Variants in TMEM60 observed in about 807,000 individuals in gnomAD.
TMEM60 encodes the protein chromosome 7 open reading frame 35.
Under a neutral mutation model 10.7 loss-of-function variants are expected in TMEM60, and 4 were observed. The ratio of observed to expected loss-of-function variants is 0.37; its 90% CI spans 0.18 to 0.86. The LOEUF is 0.86. TMEM60 is among the 40% of genes least tolerant of loss of function. TMEM60 has a pLI of 0.43. For synonymous variants in TMEM60, 56 were observed against 58.1 expected, an observed-to-expected ratio of 0.96 and a Z score of 0.17; for missense variants, 128 against 153.4, an observed-to-expected ratio of 0.83 and a Z score of 0.88.
chr7:77,793,889 GTAT>G lies in TMEM60; in HGVS notation c.*80_*82del. On this transcript the variant is annotated 3_prime_UTR_variant, in exon 2 of 2. Coordinates refer to ENST00000257663, the MANE Select transcript of TMEM60 (RefSeq NM_032936.4). ...TTTGGTATTTTCCCTCAGTTCTCTG[GTAT>G]TCTTGAAGCTTGACAGATTCAGAAC... The G allele has an allele frequency of 1.4e-6, 2 of 1,406,758 alleles. No homozygotes were observed. The highest frequency in any genetic ancestry group is 1.9e-6 in the Non-Finnish European group (2 of 1,062,206). The allele number at this position is 1,406,758 out of a possible 1,614,324, so 87.1% of individuals were successfully genotyped here. A position where few individuals can be genotyped will look rare whatever the true frequency, so the allele number is the denominator to read the frequency against.
chr7:77,797,122 G>C lies in TMEM60; in HGVS notation c.-51+1132C>G, dbSNP rs1467719248. On this transcript the variant is annotated intron_variant, in intron 1 of 1. Coordinates refer to ENST00000257663, the MANE Select transcript of TMEM60 (RefSeq NM_032936.4). ...TGAATTTGGAAGCAGGGTTGGAGGGGTGTGTGTTGATTAATAACCATGGAT... is the reference window on the plus strand; with the variant it reads ...TGAATTTGGAAGCAGGGTTGGAGGGCTGTGTGTTGATTAATAACCATGGAT... Among the ~76,000 whole-genome samples, 4 of 152,294 alleles carry C rather than the reference G, an allele frequency of 2.6e-5. No individual in the cohort carries two copies. In the East Asian group the frequency reaches 7.7e-4, roughly 29 times the overall value.
intron 1 of TMEM60, among the ~76,000 whole-genome samples, chr7:77,794,987 C>A (rs888499445): frequency 6.6e-6 from 1 of 152,074 alleles, no homozygotes; most frequent in Non-Finnish European, 1.5e-5. Context: ...AACCCTGCCT[C>A]TACAAAAAAT....
At chr7:77,794,681 G>C (rs1005495726) in intron 1 of TMEM60, among the ~76,000 whole-genome samples, 1 of 152,110 alleles carries the variant, frequency 6.6e-6, no homozygotes, top group Non-Finnish European at 1.5e-5. Context: ...TTCCTTTTCA[G>C]TGCTATCACT....
chr7:77,796,215 G>A (rs1239590031), intron 1 of TMEM60, among the ~76,000 whole-genome samples: 1 of 152,104 alleles, frequency 6.6e-6, no homozygotes, highest in East Asian at 1.9e-4. Flanking sequence ...TGGGATTACA[G>A]GTTTGAGCCA....
intron 1 of TMEM60, among the ~76,000 whole-genome samples, chr7:77,797,894 C>T (rs1262650516): frequency 1.3e-5 from 2 of 152,194 alleles, no homozygotes; most frequent in East Asian, 1.9e-4. Flanking sequence ...TTGAAAAGCC[C>T]GTGCAGCAAC....
chr7:77,796,346 T>C (rs1225075443), intron 1 of TMEM60, among the ~76,000 whole-genome samples: 1 of 152,232 alleles, frequency 6.6e-6, no homozygotes, highest in Non-Finnish European at 1.5e-5. Context: ...TAGCTTGGGA[T>C]AGCATTTATT....
chr7:77,795,832 T>G (rs1215007960), intron 1 of TMEM60, among the ~76,000 whole-genome samples: 1 of 152,222 alleles, frequency 6.6e-6, no homozygotes, highest in Non-Finnish European at 1.5e-5. Context: ...TCTGCCTCAT[T>G]GATCTATATG....
chr7:77,794,031 C>A lies in TMEM60; in HGVS notation c.343G>T (p.Ala115Ser). 1 of 1,606,000 alleles carries A rather than the reference C, an allele frequency of 6.2e-7. No homozygotes were observed. Among genetic ancestry groups the A allele is most frequent in the African/African-American group, 1.3e-5 (1 of 74,448 alleles). The change falls in exon 2 of 2, where the codon GCC becomes TCC. Residue 115 changes from alanine (A) to serine (S), a missense_variant. Ala to Ser is a moderately conservative substitution (Grantham distance 99). Coordinates refer to ENST00000257663, the MANE Select transcript of TMEM60 (RefSeq NM_032936.4). ...TCTGTTAAAGCCCCAGCCAGCAAGG[C>A]CCATAAAGGAATGAAGACATAGGAT... is the stretch of plus-strand genomic sequence containing the variant. ...NLSYVFIPLW[A>S]LLAGALTELG...
Position 77,795,216 on chromosome 7 carries a change from A to G in TMEM60, c.-50-793T>C, listed in dbSNP as rs149187634. On this transcript the variant is annotated intron_variant, in intron 1 of 1. Coordinates refer to ENST00000257663, the MANE Select transcript of TMEM60 (RefSeq NM_032936.4). ...TGGTTAATAAAAATCACAAGAATATAAAGTAGAATTAATATTTTAGTGGCT... is the reference window on the plus strand; with the variant it reads ...TGGTTAATAAAAATCACAAGAATATGAAGTAGAATTAATATTTTAGTGGCT... Among the ~76,000 whole-genome samples, 6 of 152,224 alleles carry G rather than the reference A, an allele frequency of 3.9e-5. No homozygotes were observed. The East Asian group carries it at 1.2e-3, about 29-fold the overall frequency.
chr7:77,794,491 G>A, intron 1 of TMEM60, 68 bp from the exon 2 acceptor site: 1 of 1,052,608 alleles, frequency 9.5e-7, no homozygotes, highest in East Asian at 2.9e-5. Flanking sequence ...CATTCCTAAT[G>A]AACAAAACTG....
intron 1 of TMEM60, among the ~76,000 whole-genome samples, chr7:77,796,799 C>G (rs1792174329): frequency 6.6e-6 from 1 of 152,120 alleles, no homozygotes; most frequent in African/African-American, 2.4e-5. Flanking sequence ...AGCCAAATAC[C>G]CTAGATTAGC....
At chr7:77,794,624 A>AG (rs1344784569) in intron 1 of TMEM60, among the ~76,000 whole-genome samples, 5 of 152,162 alleles carry the variant, frequency 3.3e-5, no homozygotes, top group Non-Finnish European at 7.3e-5. Context: ...ACAAAATACA[A>AG]TTTTTATTAT....
At chr7:77,797,536 C>T (rs1792204718) in intron 1 of TMEM60, among the ~76,000 whole-genome samples, 1 of 152,186 alleles carries the variant, frequency 6.6e-6, no homozygotes, top group Non-Finnish European at 1.5e-5. Flanking sequence ...ACGTCTTCAT[C>T]AATTTGAGCA....
At chr7:77,797,689 T>C (rs1451181479) in intron 1 of TMEM60, among the ~76,000 whole-genome samples, 1 of 152,208 alleles carries the variant, frequency 6.6e-6, no homozygotes, top group Non-Finnish European at 1.5e-5. Flanking sequence ...GATTCCTTAC[T>C]CATTTTTAAA....
chr7:77,795,930 C>T (rs1404980061), intron 1 of TMEM60, among the ~76,000 whole-genome samples: 2 of 150,302 alleles, frequency 1.3e-5, no homozygotes. Context: ...TCGTTGTTCT[C>T]TTTTCTAGAA....
intron 1 of TMEM60, among the ~76,000 whole-genome samples, chr7:77,797,476 C>T (rs1792202878): frequency 1.3e-5 from 2 of 152,152 alleles, no homozygotes; most frequent in African/African-American, 4.8e-5. Context: ...AAGGATTGTA[C>T]GCCTGTATGC....
intron 1 of TMEM60, among the ~76,000 whole-genome samples, chr7:77,797,896 T>A (rs903345322): frequency 6.6e-6 from 1 of 152,210 alleles, no homozygotes; most frequent in African/African-American, 2.4e-5. Context: ...GAAAAGCCCG[T>A]GCAGCAACAG....
chr7:77,793,874 T>C lies in TMEM60; in HGVS notation c.*98A>G. 7.5e-7 allele frequency: 1 copy of C among 1,331,104 alleles called. No individual in the cohort carries two copies. The highest frequency in any genetic ancestry group is 1.9e-5 in the South Asian group (1 of 51,396). The allele number at this position is 1,331,104 out of a possible 1,614,324, so 82.5% of individuals were successfully genotyped here. A position where few individuals can be genotyped will look rare whatever the true frequency, so the allele number is the denominator to read the frequency against. On this transcript the variant is annotated 3_prime_UTR_variant, in exon 2 of 2. Coordinates refer to ENST00000257663, the MANE Select transcript of TMEM60 (RefSeq NM_032936.4). Reference sequence around the variant, plus strand: ...TAGTATAAAACTACATTTGGTATTTTCCCTCAGTTCTCTGGTATTCTTGAA... The same window carrying C: ...TAGTATAAAACTACATTTGGTATTTCCCCTCAGTTCTCTGGTATTCTTGAA...
At chr7:77,795,206 A>T (rs968527878) in intron 1 of TMEM60, among the ~76,000 whole-genome samples, 1 of 152,118 alleles carries the variant, frequency 6.6e-6, no homozygotes, top group African/African-American at 2.4e-5. Context: ...AATAAAAATC[A>T]CAAGAATATA....
Sources: allele counts gnomAD v4.1 joint callset (sites outside exome capture counted in the v4.1 genomes callset), GRCh38; gene constraint gnomAD v4.1.1; transcripts MANE v1.5; gene names NCBI Gene and HGNC (gene_info 2026-07-23, HGNC 2026-07-21).